Variants in ZNF536 observed in about 807,000 individuals in gnomAD.
ZNF536 encodes the protein zinc finger protein 536.
Under a neutral mutation model 84.5 loss-of-function variants are expected in ZNF536, and 13 were observed. That is an observed-to-expected ratio of 0.15 (90% CI 0.10 to 0.24). The LOEUF is 0.24. Ranked by LOEUF, ZNF536 falls within the 10% of genes least tolerant of loss-of-function variation. The pLI, the probability that ZNF536 is intolerant of heterozygous loss-of-function variation, is 1.00. For missense variants in ZNF536, 1,536 were observed against 1,747.5 expected (o/e 0.88, Z 2.16); for synonymous variants, 811 against 742.5 (o/e 1.09, Z -1.50).
intron 2 of ZNF536, among the ~76,000 whole-genome samples, chr19:30,339,147 G>A (rs1056734966): frequency 6.6e-6 from 1 of 152,194 alleles, no homozygotes; most frequent in African/African-American, 2.4e-5. Flanking sequence ...CTAGGCAGAT[G>A]CCTCCCCCAT....
intron 1 of ZNF536, among the ~76,000 whole-genome samples, chr19:30,672,822 A>G (rs2050607756): frequency 6.6e-6 from 1 of 152,170 alleles, no homozygotes; most frequent in Non-Finnish European, 1.5e-5. Context: ...GAGCAGATGT[A>G]GGCGTGTTTT....
chr19:30,436,479 A>T (rs2051753984), intron 1 of ZNF536: 1 of 985,280 alleles, frequency 1.0e-6, no homozygotes, highest in African/African-American at 1.7e-5. Context: ...GATCAAAAAA[A>T]AAAAATGCAC....
chr19:30,227,956 C>T (rs1429072097), upstream of ZNF536, among the ~76,000 whole-genome samples: 3 of 151,962 alleles, frequency 2.0e-5, no homozygotes, highest in Non-Finnish European at 4.4e-5. Flanking sequence ...CTGGTGTCCC[C>T]GGCGAGTTGG....
At chr19:30,324,110 T>C (rs1011712345) in intron 2 of ZNF536, among the ~76,000 whole-genome samples, 2 of 151,692 alleles carry the variant, frequency 1.3e-5, no homozygotes, top group Admixed American at 1.3e-4. Flanking sequence ...TCATCCATCA[T>C]CATCCATCTG....
At chr19:30,504,931 A>G (rs956220541) in intron 2 of ZNF536, among the ~76,000 whole-genome samples, 11 of 151,928 alleles carry the variant, frequency 7.2e-5, no homozygotes, top group Non-Finnish European at 1.6e-4. Context: ...GCAGATGAAA[A>G]TATTTTAACC....
At chr19:30,463,339 G>A (rs974091670) in intron 2 of ZNF536, among the ~76,000 whole-genome samples, 7 of 152,152 alleles carry the variant, frequency 4.6e-5, no homozygotes, top group African/African-American at 1.7e-4. Flanking sequence ...CTCAGCCTCA[G>A]GTGGAAGATC....
intron 1 of ZNF536, among the ~76,000 whole-genome samples, chr19:30,394,209 G>A (rs1303891833): frequency 1.3e-5 from 2 of 152,106 alleles, no homozygotes; most frequent in African/African-American, 4.8e-5. Context: ...TTCCTTAAAC[G>A]ACTTTCCTTT....
chr19:30,394,689 G>A (rs2049741201), intron 1 of ZNF536, among the ~76,000 whole-genome samples: 1 of 152,142 alleles, frequency 6.6e-6, no homozygotes, highest in African/African-American at 2.4e-5. Context: ...AATTACACAT[G>A]AGCAGTTGCT....
intron 1 of ZNF536, among the ~76,000 whole-genome samples, chr19:30,683,001 G>T (rs1268056708): frequency 6.6e-6 from 1 of 152,204 alleles, no homozygotes; most frequent in Non-Finnish European, 1.5e-5. Context: ...TACGAGGCGC[G>T]CGAGGCTTAG....
chr19:30,412,126 T>A (rs1312001038), intron 1 of ZNF536, among the ~76,000 whole-genome samples: 1 of 152,048 alleles, frequency 6.6e-6, no homozygotes, highest in East Asian at 1.9e-4. Flanking sequence ...GTACTAACAG[T>A]TTCATACTTT....
chr19:30,438,410 A>C (rs900864246), intron 1 of ZNF536, among the ~76,000 whole-genome samples: 1 of 152,226 alleles, frequency 6.6e-6, no homozygotes, highest in Non-Finnish European at 1.5e-5. Flanking sequence ...TCTTCTGGAC[A>C]TCAGTCCAGG....
intron 1 of ZNF536, among the ~76,000 whole-genome samples, chr19:30,695,230 C>T (rs924684214): frequency 1.3e-4 from 19 of 151,966 alleles, no homozygotes; most frequent in Admixed American, 8.5e-4. Context: ...GTGGCCTGCA[C>T]GGAGGAAGGA....
chr19:30,270,637 G>A (rs899695642), intron 1 of ZNF536, among the ~76,000 whole-genome samples: 1 of 152,168 alleles, frequency 6.6e-6, no homozygotes, highest in Non-Finnish European at 1.5e-5. Context: ...GGAAGATCAT[G>A]TGACGGTTTG....
upstream of ZNF536, among the ~76,000 whole-genome samples, chr19:30,367,515 G>A (rs1017048533): frequency 3.3e-5 from 5 of 152,164 alleles, no homozygotes; most frequent in African/African-American, 4.8e-5. Flanking sequence ...ACACCTGCAC[G>A]CCCCATGCAT....
intron 1 of ZNF536, among the ~76,000 whole-genome samples, chr19:30,413,391 C>G (rs1214884950): frequency 1.3e-5 from 2 of 152,288 alleles, no homozygotes; most frequent in African/African-American, 4.8e-5. Context: ...CTCTTAACCA[C>G]ATCCTAGAAT....
chr19:30,569,760 C>T (rs778792682), intron 1 of ZNF536, among the ~76,000 whole-genome samples: 15 of 151,536 alleles, frequency 9.9e-5, no homozygotes, highest in South Asian at 6.3e-4. Flanking sequence ...CTAGTAGAGA[C>T]GGGGTTTCAC....
At position 30,444,648 on chromosome 19, in the gene ZNF536, T is replaced by A. The variant is rs767518850; in HGVS notation, c.1086T>A (p.Gly362=). The A allele has an allele frequency of 6.2e-7, 1 of 1,613,788 alleles. No individual in the cohort carries two copies. The change falls in exon 2 of 5, where the codon GGT becomes GGA. Residue 362 remains glycine, a synonymous_variant. Coordinates refer to ENST00000355537, the MANE Select transcript of ZNF536 (RefSeq NM_014717.3). ...TCAGCCAGGCGTGGTTCCTCAAGGG[T>A]CACATGCGCAAGCACAAAGACTCCT... ...QVFSQAWFLK[G]HMRKHKDSFE...
intron 2 of ZNF536, among the ~76,000 whole-genome samples, chr19:30,331,500 C>G (rs1264432132): frequency 2.6e-5 from 4 of 151,990 alleles, no homozygotes; most frequent in Non-Finnish European, 5.9e-5. Context: ...ATTCTGGTGT[C>G]ACCGTCTCCT....
intron 2 of ZNF536, among the ~76,000 whole-genome samples, chr19:30,472,669 C>A (rs1456292127): frequency 6.6e-6 from 1 of 152,072 alleles, no homozygotes; most frequent in Non-Finnish European, 1.5e-5. Context: ...AATTGCAGTC[C>A]ACACCTTTCA....
Sources: gnomAD v4.1 joint callset for allele counts (sites outside exome capture counted in the v4.1 genomes callset) on GRCh38, gnomAD v4.1.1 for gene constraint, MANE v1.5 for transcripts, NCBI Gene and HGNC (gene_info 2026-07-23, HGNC 2026-07-21) for gene names.